CPNE8: variants seen among roughly 807,000 people sequenced by gnomAD.
CPNE8 encodes copine-8.
In CPNE8, 45 loss-of-function variants were observed where a neutral mutation model predicts 81.5. The ratio of observed to expected loss-of-function variants is 0.55; its 90% CI spans 0.44 to 0.71. CPNE8 has a LOEUF of 0.71. Ranked by LOEUF, CPNE8 falls within the 30% of genes least tolerant of loss-of-function variation. The pLI, the probability that CPNE8 is intolerant of heterozygous loss-of-function variation, is 0.00. For synonymous variants in CPNE8, 252 were observed against 226.3 expected (o/e 1.11, Z -1.02); for missense variants, 594 against 672.1 (o/e 0.88, Z 1.28).
At chr12:38,741,939 G>T (rs1941116887) in intron 10 of CPNE8, among the ~76,000 whole-genome samples, 1 of 152,184 alleles carries the variant, frequency 6.6e-6, no homozygotes, top group Admixed American at 6.5e-5. Context: ...ATCATCACTT[G>T]CCATCAGAGA....
At chr12:38,755,391 T>A (rs1468704082) in intron 10 of CPNE8, among the ~76,000 whole-genome samples, 1 of 152,166 alleles carries the variant, frequency 6.6e-6, no homozygotes, top group African/African-American at 2.4e-5. Context: ...CACAACCACA[T>A]GGTATTAATG....
At position 38,728,458 on chromosome 12, in the gene CPNE8, G is replaced by A. The variant is rs569432752; in HGVS notation, c.798+1825C>T. On this transcript the variant is annotated intron_variant, in intron 11 of 19. Transcript: ENST00000331366. ...TACAACTGAAATGAAAAATTCACCA[G>A]AAGGGTTCGACGGAACATTTGAGCT... Among the ~76,000 whole-genome samples, 133 of 152,242 alleles carry A rather than the reference G, an allele frequency of 8.7e-4. 1 individual carries two copies. The highest frequency in any genetic ancestry group is 3.0e-3 in the African/African-American group (123 of 41,560).
rs1296861341 is a variant in CPNE8 at position 38,852,353 on chromosome 12, T to C, written c.187-3691A>G. 2.1e-5 allele frequency among the ~76,000 whole-genome samples: 3 copies of C among 140,532 alleles called. 1 individual carries two copies. Among genetic ancestry groups the C allele is most frequent in the South Asian group, 4.4e-4 (2 of 4,590 alleles). The allele number at this position is 140,532 out of a possible 152,430, so 92.2% of individuals were successfully genotyped here. A position where few individuals can be genotyped will look rare whatever the true frequency, so the allele number is the denominator to read the frequency against. ...CTGAGGCAGGAGAATGGCATGAACCTGGGAAGTGGAGCTTGCAGTGAGCCA... is the reference window on the plus strand; with the variant it reads ...CTGAGGCAGGAGAATGGCATGAACCCGGGAAGTGGAGCTTGCAGTGAGCCA... On this transcript the variant is annotated intron_variant, in intron 3 of 19. Transcript: ENST00000331366.
chr12:38,702,673 G>A (rs1020431023), intron 14 of CPNE8, among the ~76,000 whole-genome samples: 2 of 151,860 alleles, frequency 1.3e-5, no homozygotes, highest in African/African-American at 4.8e-5. Context: ...GAGACTATTA[G>A]CATTTTTGTT....
chr12:38,653,636 A>T lies in CPNE8; in HGVS notation c.*246T>A. 1 of 340,444 alleles carries T rather than the reference A, an allele frequency of 2.9e-6. No individual in the cohort carries two copies. Among genetic ancestry groups the T allele is most frequent in the Non-Finnish European group, 5.3e-6 (1 of 188,908 alleles). The allele number at this position is 340,444 out of a possible 1,614,324, so 21.1% of individuals were successfully genotyped here. A position where few individuals can be genotyped will look rare whatever the true frequency, so the allele number is the denominator to read the frequency against. ...TTCTGTTAAAAAAAAAAAGAAAGAAAGATTTAGAGAAGACATCCATACTTT... is the reference window on the plus strand; with the variant it reads ...TTCTGTTAAAAAAAAAAAGAAAGAATGATTTAGAGAAGACATCCATACTTT... On this transcript the variant is annotated 3_prime_UTR_variant, in exon 20 of 20. Coordinates refer to ENST00000331366, the MANE Select transcript of CPNE8 (RefSeq NM_153634.3).
intron 7 of CPNE8, among the ~76,000 whole-genome samples, chr12:38,775,595 G>A (rs1941915310): frequency 6.6e-6 from 1 of 152,176 alleles, no homozygotes; most frequent in Admixed American, 6.5e-5. Context: ...TCAGTCTGGA[G>A]TGTCATAGCT....
chr12:38,744,417 C>T (rs577230685), intron 10 of CPNE8, among the ~76,000 whole-genome samples: 1 of 152,260 alleles, frequency 6.6e-6, no homozygotes, highest in Admixed American at 6.5e-5. Flanking sequence ...TCCATTATAT[C>T]GACCTCTATT....
intron 6 of CPNE8, among the ~76,000 whole-genome samples, chr12:38,795,101 A>T (rs1348065168): frequency 6.6e-6 from 1 of 152,178 alleles, no homozygotes; most frequent in African/African-American, 2.4e-5. Flanking sequence ...TTCAGCCACA[A>T]ACTGAAGCCT....
intron 9 of CPNE8, among the ~76,000 whole-genome samples, chr12:38,761,472 A>G (rs1447726091): frequency 6.6e-6 from 1 of 152,234 alleles, no homozygotes; most frequent in East Asian, 1.9e-4. Context: ...GAAAAGAATG[A>G]TAGTCAAGTG....
intron 14 of CPNE8, among the ~76,000 whole-genome samples, chr12:38,701,269 A>G (rs182972465): frequency 1.2e-4 from 19 of 152,322 alleles, no homozygotes; most frequent in Admixed American, 1.1e-3. Flanking sequence ...CTTTGTGGGT[A>G]GTCTTTTAAA....
chr12:38,731,504 C>T lies in CPNE8; in HGVS notation c.723-1146G>A, dbSNP rs145172132. Among the ~76,000 whole-genome samples the T allele has an allele frequency of 9.3e-3, 1,412 of 151,896 alleles. 28 individuals are homozygous for T. Among genetic ancestry groups the T allele is most frequent in the African/African-American group, 0.031 (1,302 of 41,486 alleles). On this transcript the variant is annotated intron_variant, in intron 10 of 19. Coordinates refer to ENST00000331366, the MANE Select transcript of CPNE8 (RefSeq NM_153634.3). ...GCAATAAAAAAATGTTTTTAAAGAA[C>T]TTATTTGAGAAAAAACTTACTTAGG...
Position 38,867,347 on chromosome 12 carries a change from A to T in CPNE8, c.186+5657T>A, listed in dbSNP as rs923986952. On this transcript the variant is annotated intron_variant, in intron 3 of 19. Coordinates refer to ENST00000331366, the MANE Select transcript of CPNE8 (RefSeq NM_153634.3). ...GTGTGTGTGTGTGTGTGTGAGAGAG[A>T]GAGAGAGAGAGAGAGAGAGAGACAG... is the stretch of plus-strand genomic sequence containing the variant. Among the ~76,000 whole-genome samples, 145 of 148,594 alleles carry T rather than the reference A, an allele frequency of 9.8e-4. 1 individual carries two copies. The highest frequency in any genetic ancestry group is 3.6e-3 in the African/African-American group (137 of 38,544).
chr12:38,668,045 C>G (rs575863153), intron 19 of CPNE8, among the ~76,000 whole-genome samples: 2 of 152,172 alleles, frequency 1.3e-5, no homozygotes, highest in Non-Finnish European at 2.9e-5. Flanking sequence ...GTGATCCTCC[C>G]GCCCTGGCCT....
intron 10 of CPNE8, among the ~76,000 whole-genome samples, chr12:38,754,317 G>A (rs904128253): frequency 2.6e-5 from 4 of 151,920 alleles, no homozygotes; most frequent in East Asian, 1.9e-4. Context: ...GGTGTTGAAC[G>A]TTTATATAAT....
intron 6 of CPNE8, among the ~76,000 whole-genome samples, chr12:38,819,762 G>A (rs376836203): frequency 3.1e-4 from 27 of 87,710 alleles, no homozygotes; most frequent in Non-Finnish European, 4.7e-4. Context: ...GCAAGACTCC[G>A]TCTCAAAAAA....
chr12:38,795,978 C>T (rs1942459724), intron 6 of CPNE8, among the ~76,000 whole-genome samples: 1 of 152,044 alleles, frequency 6.6e-6, no homozygotes, highest in African/African-American at 2.4e-5. Flanking sequence ...ATCCTGAACT[C>T]AGGCCAGGAA....
intron 15 of CPNE8, 107 bp from the exon 16 acceptor site, chr12:38,685,724 T>G: frequency 9.0e-7 from 1 of 1,114,610 alleles, no homozygotes; most frequent in Admixed American, 2.6e-5. Flanking sequence ...ACTCATATTT[T>G]TTGAGGAACT....
chr12:38,720,753 T>G (rs1201207911), intron 13 of CPNE8: 1 of 152,226 alleles, frequency 6.6e-6, no homozygotes, highest in Non-Finnish European at 1.5e-5. Context: ...GGCTGCATGC[T>G]CCGGGGAGCG....
At chr12:38,868,545 A>G (rs1943947694) in intron 3 of CPNE8, among the ~76,000 whole-genome samples, 1 of 152,284 alleles carries the variant, frequency 6.6e-6, no homozygotes, top group African/African-American at 2.4e-5. Context: ...AGAGATAATG[A>G]AGTTCAACTT....
Sources: gnomAD v4.1 joint callset for allele counts (sites outside exome capture counted in the v4.1 genomes callset) on GRCh38, gnomAD v4.1.1 for gene constraint, MANE v1.5 for transcripts, NCBI Gene and HGNC (gene_info 2026-07-23, HGNC 2026-07-21) for gene names.